The following SP140 variants were observed in gnomAD, a reference collection of about 807,000 sequenced individuals.
SP140 encodes the protein SP140 nuclear body protein, also known as nuclear body protein SP140.
A neutral mutation model predicts 125.0 loss-of-function variants in SP140; 81 were observed. The observed-to-expected ratio is 0.65, with a 90% CI of 0.54 to 0.78. SP140 has a LOEUF of 0.78. SP140 is among the 30% of genes least tolerant of loss of function. SP140 has a pLI of 0.00. For missense variants in SP140, 858 were observed against 1,037.0 expected, an observed-to-expected ratio of 0.83 and a Z score of 2.37; for synonymous variants, 312 against 354.0, an observed-to-expected ratio of 0.88 and a Z score of 1.33.
intron 15 of SP140, among the ~76,000 whole-genome samples, chr2:230,274,757 C>T (rs1029753569): frequency 4.6e-5 from 7 of 151,808 alleles, no homozygotes; most frequent in African/African-American, 1.7e-4. Flanking sequence ...TTACTTACAC[C>T]TTTATGCTTT....
intron 15 of SP140, among the ~76,000 whole-genome samples, chr2:230,282,435 A>AC (rs2055716625): frequency 6.6e-6 from 1 of 151,934 alleles, no homozygotes; most frequent in South Asian, 2.1e-4. Context: ...TGAAGACACC[A>AC]CCCCATCAGC....
the SP140 span, among the ~76,000 whole-genome samples, chr2:230,191,247 A>C: frequency 6.6e-6 from 1 of 152,134 alleles, no homozygotes; most frequent in African/African-American, 2.4e-5. Context: ...AGGCAAGAGC[A>C]AGCTAATCCA....
chr2:230,245,069 CAGGTGGGGG>C lies in SP140; in HGVS notation c.658_664+2del. 1.9e-6 allele frequency: 3 copies of C among 1,609,376 alleles called. No homozygotes were observed. Among genetic ancestry groups the C allele is most frequent in the South Asian group, 2.2e-5 (2 of 90,972 alleles). ...GCTGAAGATGCACCCAGCCTACTAC[CAGGTGGGGG>C]AGGTAATTATGATTTAAATGACCAA... On this transcript the variant is annotated inframe_deletion and splice_region_variant, in exon 6 of 27. Transcript: ENST00000392045.
chr2:230,201,008 C>T (rs2043129200), upstream of SP140: 3 of 1,457,920 alleles, frequency 2.1e-6, no homozygotes, highest in South Asian at 1.1e-5. Context: ...TGGGAAACAC[C>T]ATGGAGAATC....
At chr2:230,315,779 A>G (rs1349014598), downstream of SP140, among the ~76,000 whole-genome samples, 2 of 152,186 alleles carry the variant, frequency 1.3e-5, no homozygotes, top group East Asian at 3.9e-4. Context: ...TTGTTACCCC[A>G]GTTACACCTC....
intron 21 of SP140, 31 bp from the exon 22 acceptor site, chr2:230,297,390 T>C (rs753367708): frequency 1.2e-6 from 2 of 1,608,712 alleles, no homozygotes; most frequent in Non-Finnish European, 1.7e-6. Context: ...GCATTCAATA[T>C]CATAAATCAA....
intron 11 of SP140, 114 bp from the exon 12 acceptor site, chr2:230,255,338 G>C: frequency 8.2e-7 from 1 of 1,221,186 alleles, no homozygotes; most frequent in African/African-American, 1.5e-5. Flanking sequence ...CTGGGTGGGG[G>C]ACAGCCCTAC....
At chr2:230,260,211 C>A (rs573607957) in intron 12 of SP140, among the ~76,000 whole-genome samples, 1 of 152,250 alleles carries the variant, frequency 6.6e-6, no homozygotes, top group African/African-American at 2.4e-5. Flanking sequence ...GCAATTTTTT[C>A]ATATGTTCAT....
chr2:230,290,548 G>C lies in SP140; in HGVS notation c.1809G>C (p.Lys603Asn). ...GTGGGGTGAAGGGAATTTTACATAA[G>C]AAGAAATTGCAGCAAGGTAGGTTTT... ...TCGGVKGILH[K>N]KKLQQGILVK... Residue 603 changes from lysine (K) to asparagine (N), a missense_variant, in exon 19 of 27, where the codon AAG becomes AAC. By Grantham distance (94) the Lys-to-Asn change is moderately conservative (BLOSUM62 0). This residue lies in a region of SP140 where 791 missense variants were observed against 869.5 expected (regional missense o/e 0.91). Coordinates refer to ENST00000392045, the MANE Select transcript of SP140 (RefSeq NM_007237.5). 6.2e-7 allele frequency: 1 copy of C among 1,613,414 alleles called. No homozygotes were observed. The highest frequency in any genetic ancestry group is 1.1e-5 in the South Asian group (1 of 90,956).
intron 1 of SP140, among the ~76,000 whole-genome samples, chr2:230,212,185 T>G (rs922697048): frequency 6.6e-6 from 1 of 152,300 alleles, no homozygotes; most frequent in East Asian, 1.9e-4. Context: ...GTTGGTTTGT[T>G]TTGCATTGCT....
intron 3 of SP140, chr2:230,238,933 G>A: frequency 6.5e-7 from 1 of 1,545,812 alleles, no homozygotes. Flanking sequence ...TGGTTGAATT[G>A]CAGACTGTGG....
chr2:230,255,292 C>T (rs1310286988), intron 11 of SP140, among the ~76,000 whole-genome samples, 160 bp from the exon 12 acceptor site: 2 of 152,198 alleles, frequency 1.3e-5, no homozygotes, highest in African/African-American at 2.4e-5. Context: ...TGTCCACCTA[C>T]AGGCCAGGTG....
chr2:230,202,658 A>G, upstream of SP140: 2 of 1,614,072 alleles, frequency 1.2e-6, no homozygotes, highest in Non-Finnish European at 1.7e-6. Context: ...AAGTTGAGTC[A>G]TCTTTCTTTT....
At chr2:230,241,282 G>T in intron 3 of SP140, 122 bp from the exon 4 acceptor site, 1 of 685,880 alleles carries the variant, frequency 1.5e-6, no homozygotes, top group South Asian at 1.6e-5. Flanking sequence ...GGGGAACAAG[G>T]CTCTGTTGGA....
intron 16 of SP140, among the ~76,000 whole-genome samples, chr2:230,285,009 T>A (rs2056169392): frequency 6.6e-6 from 1 of 152,144 alleles, no homozygotes; most frequent in Non-Finnish European, 1.5e-5. Context: ...ATTATAAATC[T>A]TCAACATTTT....
chr2:230,294,811 G>T (rs1240031777), intron 21 of SP140, among the ~76,000 whole-genome samples: 4 of 152,224 alleles, frequency 2.6e-5, no homozygotes, highest in Middle Eastern at 3.4e-3. Flanking sequence ...AATGAAATCG[G>T]CAACAAAAAG....
chr2:230,237,492 GT>G lies in SP140; in HGVS notation c.237+233del. On this transcript the variant is annotated intron_variant, in intron 2 of 26. Transcript: ENST00000392045. The surrounding 1 kb of genome is among the most constrained non-coding windows in gnomAD (Gnocchi z 5.4). ...GGGCAGGAGAGAGAATGGGAATGCT[GT>G]ATGGGTGCAGATCATCCTAGGTACT... 2.1e-6 allele frequency: 1 copy of G among 476,194 alleles called. No homozygotes were observed. The highest frequency in any genetic ancestry group is 3.0e-5 in the South Asian group (1 of 33,254). 29.5% of individuals were successfully genotyped at this position (476,194 alleles called of 1,614,324 possible). A position where few individuals can be genotyped will look rare whatever the true frequency, so the allele number is the denominator to read the frequency against.
intron 1 of SP140, among the ~76,000 whole-genome samples, chr2:230,235,868 G>GTTTTTTTTTTTTTT (rs984054259): frequency 1.3e-5 from 1 of 77,974 alleles, no homozygotes. Context: ...TCTTGTGACT[G>GTTTTTTTTTTTTTT]TTTTTTTTTT....
At chr2:230,284,771 AT>A (rs2056134079) in intron 16 of SP140, among the ~76,000 whole-genome samples, 1 of 152,242 alleles carries the variant, frequency 6.6e-6, no homozygotes, top group African/African-American at 2.4e-5. Flanking sequence ...ACATATATGT[AT>A]AACCATATTT....
Sources: allele counts gnomAD v4.1 joint callset (sites outside exome capture counted in the v4.1 genomes callset), GRCh38; gene constraint gnomAD v4.1.1; regional missense constraint gnomAD v4.1.1; non-coding constraint Gnocchi (gnomAD v3.1); transcripts MANE v1.5; gene names NCBI Gene and HGNC (gene_info 2026-07-23, HGNC 2026-07-21).